TTC4: variants seen among roughly 807,000 people sequenced by gnomAD.
The protein encoded by TTC4 is tetratricopeptide repeat domain 4, also known as hsp70/Hsp90 co-chaperone CNS1 homolog.
Under a neutral mutation model 51.9 loss-of-function variants are expected in TTC4, and 36 were observed. The ratio of observed to expected loss-of-function variants is 0.69; its 90% CI spans 0.53 to 0.92. TTC4 has a LOEUF of 0.92. TTC4 is among the 40% of genes least tolerant of loss of function. The pLI is 0.00. For synonymous variants in TTC4, 144 were observed against 164.2 expected, an observed-to-expected ratio of 0.88 and a Z score of 0.94; for missense variants, 399 against 454.6, an observed-to-expected ratio of 0.88 and a Z score of 1.11.
intron 7 of TTC4, 25 bp from the exon 8 acceptor site, chr1:54,733,604 C>T: frequency 1.3e-6 from 2 of 1,560,280 alleles, no homozygotes; most frequent in Middle Eastern, 1.8e-4. Flanking sequence ...TATTGATACC[C>T]AGAAAGTACA....
At chr1:54,728,022 C>T (rs1021952120) in intron 5 of TTC4, among the ~76,000 whole-genome samples, 3 of 152,146 alleles carry the variant, frequency 2.0e-5, no homozygotes, top group African/African-American at 7.2e-5. Flanking sequence ...GGCTATGTTT[C>T]GTAGCACTCG....
At chr1:54,722,582 G>A (rs1051404856) in intron 4 of TTC4, 93 bp from the exon 5 acceptor site, 2 of 1,566,448 alleles carry the variant, frequency 1.3e-6, no homozygotes, top group Admixed American at 3.7e-5. Flanking sequence ...TCAGGGTACT[G>A]GCTGGTAGTT....
At chr1:54,716,869 G>A (rs1004273316) in intron 2 of TTC4, 152 bp downstream of exon 2, 3 of 656,662 alleles carry the variant, frequency 4.6e-6, no homozygotes, top group African/African-American at 3.6e-5. Flanking sequence ...CCTACTAAGT[G>A]GTAAGGACTG....
rs748776613 is a variant in TTC4, at chr1:54,722,778, G to A, written c.573G>A (p.Arg191=). ...AAGAGAAGAAGCTTCTGGAAATGAG[G>A]GCTAAAGCAGACAAGCTGAAGGTTG... is the stretch of plus-strand genomic sequence containing the variant. ...DAKEKKLLEM[R]AKADKLKRIE... The change falls in exon 5 of 10, where the codon AGG becomes AGA. Residue 191 remains arginine, a synonymous_variant. Transcript: ENST00000371281. 1.2e-6 allele frequency: 2 copies of A among 1,613,838 alleles called. No individual in the cohort carries two copies. Among genetic ancestry groups the A allele is most frequent in the Non-Finnish European group, 1.7e-6 (2 of 1,179,894 alleles).
chr1:54,729,244 GTTGT>G (rs772877320), intron 6 of TTC4, among the ~76,000 whole-genome samples: 3 of 152,126 alleles, frequency 2.0e-5, no homozygotes, highest in African/African-American at 2.4e-5. Flanking sequence ...AAACTTACAG[GTTGT>G]TTATTTCTGG....
chr1:54,717,866 G>A lies in TTC4; in HGVS notation c.391+213G>A, dbSNP rs1557741054. The A allele has an allele frequency of 9.9e-6, 4 of 405,614 alleles. No homozygotes were observed. In the East Asian group the frequency reaches 1.6e-4, roughly 16 times the overall value. 25.1% of individuals were successfully genotyped at this position (405,614 alleles called of 1,614,324 possible). ...AATTCTTACTGTCTCAACCCAAAAAGTGACTTGGTCACTCAAGTAAGGTGT... is the reference window on the plus strand; with the variant it reads ...AATTCTTACTGTCTCAACCCAAAAAATGACTTGGTCACTCAAGTAAGGTGT... On this transcript the variant is annotated intron_variant, in intron 3 of 9. Coordinates refer to ENST00000371281, the MANE Select transcript of TTC4 (RefSeq NM_004623.5).
At position 54,742,463 on chromosome 1, in the gene TTC4, C is replaced by T. The variant is rs1384090107; in HGVS notation, c.*950C>T. The T allele has an allele frequency of 6.6e-6, 1 of 152,290 alleles. No homozygotes were observed. The highest frequency in any genetic ancestry group is 1.5e-5 in the Non-Finnish European group (1 of 68,084). The allele number at this position is 152,290 out of a possible 1,614,324, so 9.4% of individuals were successfully genotyped here. ...ATGTGTGGTTGGCCTGTGCTCTTCC[C>T]TCTGCTGTGAGAACACATTTCCCAC... On this transcript the variant is annotated 3_prime_UTR_variant, in exon 10 of 10. Transcript: ENST00000371281.
Position 54,721,322 on chromosome 1 carries a change from G to A in TTC4, c.469+82G>A, listed in dbSNP as rs1002936945. On this transcript the variant is annotated intron_variant, in intron 4 of 9. Coordinates refer to ENST00000371281, the MANE Select transcript of TTC4 (RefSeq NM_004623.5). ...ATACTAATAAAGTCATCTTATTTTT[G>A]CAGTCTGGGTATTAAGTTCCTGTTC... is the stretch of plus-strand genomic sequence containing the variant. The A allele has an allele frequency of 2.8e-6, 4 of 1,406,046 alleles. No homozygotes were observed. In the African/African-American group the frequency reaches 5.7e-5, roughly 20 times the overall value. 87.1% of individuals were successfully genotyped at this position (1,406,046 alleles called of 1,614,324 possible).
chr1:54,722,378 A>T (rs1645752909), intron 4 of TTC4, among the ~76,000 whole-genome samples: 1 of 152,238 alleles, frequency 6.6e-6, no homozygotes, highest in Non-Finnish European at 1.5e-5. Flanking sequence ...TGACACAGCC[A>T]GATTTCTAGC....
intron 3 of TTC4, among the ~76,000 whole-genome samples, chr1:54,720,436 AC>A (rs1298621977): frequency 6.9e-6 from 1 of 144,274 alleles, no homozygotes; most frequent in Non-Finnish European, 1.5e-5. Context: ...GTGACTGCAT[AC>A]TTTTTTTTTT....
chr1:54,733,410 C>G (rs964599490), intron 7 of TTC4, among the ~76,000 whole-genome samples: 1 of 147,016 alleles, frequency 6.8e-6, no homozygotes, highest in Non-Finnish European at 1.5e-5. Flanking sequence ...CAGAGCGAGA[C>G]CCTGTCTCAA....
chr1:54,722,568 G>C, intron 4 of TTC4, 107 bp from the exon 5 acceptor site: 3 of 1,498,292 alleles, frequency 2.0e-6, no homozygotes, highest in Non-Finnish European at 2.7e-6. Context: ...CCTCCATTTT[G>C]CCTTCAGGGT....
intron 9 of TTC4, among the ~76,000 whole-genome samples, chr1:54,738,232 C>T (rs965441028): frequency 2.1e-4 from 32 of 152,230 alleles, no homozygotes; most frequent in Non-Finnish European, 4.3e-4. Context: ...CATCAGATCT[C>T]GTGAGACTTA....
intron 5 of TTC4, among the ~76,000 whole-genome samples, chr1:54,724,865 C>G (rs7517094): frequency 0.12 from 18,458 of 152,238 alleles, 1,844 homozygotes; most frequent in African/African-American, 0.27. Flanking sequence ...GATCAGAATT[C>G]ACTTTTCTAG....
chr1:54,736,160 AGAGAAAGAAAGAAAG>A (rs1645929873), intron 8 of TTC4, among the ~76,000 whole-genome samples: 1 of 136,472 alleles, frequency 7.3e-6, no homozygotes, highest in African/African-American at 3.1e-5. Flanking sequence ...GGAGAAAGAG[AGAGAAAGAAAGAAAG>A]GAGAGAGAGA....
At chr1:54,735,078 T>A (rs1239571135) in intron 8 of TTC4, among the ~76,000 whole-genome samples, 1 of 152,168 alleles carries the variant, frequency 6.6e-6, no homozygotes, top group Non-Finnish European at 1.5e-5. Context: ...TTTTTTTACT[T>A]AAAAAATTTT....
chr1:54,717,200 T>TA (rs1356911815), intron 2 of TTC4, among the ~76,000 whole-genome samples: 1 of 152,080 alleles, frequency 6.6e-6, no homozygotes, highest in Non-Finnish European at 1.5e-5. Context: ...CTTCAGTGAT[T>TA]AAAAAAAATT....
At chr1:54,723,134 A>G (rs143796566) in intron 5 of TTC4, among the ~76,000 whole-genome samples, 85 of 152,324 alleles carry the variant, frequency 5.6e-4, no homozygotes, top group African/African-American at 1.7e-3. Context: ...GTTTAGCTAC[A>G]CAGATACTTA....
At chr1:54,733,418 CAAAAA>C (rs56941240) in intron 7 of TTC4, among the ~76,000 whole-genome samples, 1 of 121,002 alleles carries the variant, frequency 8.3e-6, no homozygotes. Context: ...GACCCTGTCT[CAAAAA>C]AAAAAAATAA....
Sources: allele counts gnomAD v4.1 joint callset (sites outside exome capture counted in the v4.1 genomes callset), GRCh38; gene constraint gnomAD v4.1.1; transcripts MANE v1.5; gene names NCBI Gene and HGNC (gene_info 2026-07-23, HGNC 2026-07-21).